Variants in TESC observed in about 807,000 individuals in gnomAD.
TESC encodes the protein tescalcin, also known as calcineurin B homologous protein 3.
In TESC, 19 loss-of-function variants were observed where a neutral mutation model predicts 31.0. The observed-to-expected ratio is 0.61, with a 90% CI of 0.43 to 0.90. The LOEUF is 0.90. Ranked by LOEUF, TESC falls within the 40% of genes least tolerant of loss-of-function variation. TESC has a pLI of 0.00. For missense variants in TESC, 248 were observed against 303.8 expected (o/e 0.82, Z 1.36); for synonymous variants, 109 against 114.8 (o/e 0.95, Z 0.32).
intron 1 of TESC, among the ~76,000 whole-genome samples, chr12:117,081,740 C>T (rs975736908): frequency 7.9e-5 from 12 of 151,804 alleles, no homozygotes; most frequent in African/African-American, 2.9e-4. Context: ...CCCATCTCTA[C>T]TAAAAATACA....
chr12:117,062,099 T>A (rs572985352), intron 2 of TESC, among the ~76,000 whole-genome samples: 29 of 152,240 alleles, frequency 1.9e-4, no homozygotes, highest in Non-Finnish European at 1.8e-4. Flanking sequence ...GTAGTAATAA[T>A]AATAATGTAA....
intron 1 of TESC, among the ~76,000 whole-genome samples, chr12:117,084,787 T>C (rs1408283575): frequency 1.3e-5 from 2 of 152,118 alleles, no homozygotes; most frequent in Admixed American, 6.5e-5. Context: ...CAGGACTCTG[T>C]GAGCCTGTAG....
chr12:117,088,542 G>A (rs904375945), intron 1 of TESC, among the ~76,000 whole-genome samples: 4 of 152,102 alleles, frequency 2.6e-5, no homozygotes, highest in South Asian at 2.1e-4. Context: ...TTAGCTGGGC[G>A]TGGCGGCGCA....
At chr12:117,045,356 A>T (rs929427872) in intron 6 of TESC, among the ~76,000 whole-genome samples, 2 of 152,234 alleles carry the variant, frequency 1.3e-5, no homozygotes, top group African/African-American at 4.8e-5. Context: ...ATTTCACTAC[A>T]GCAAATTAAG....
intron 2 of TESC, among the ~76,000 whole-genome samples, chr12:117,062,656 C>T (rs1182919045): frequency 6.6e-6 from 1 of 152,220 alleles, no homozygotes; most frequent in Non-Finnish European, 1.5e-5. Flanking sequence ...CTAAAACCTG[C>T]CAATGTCCCT....
At chr12:117,062,343 A>T (rs956378386) in intron 2 of TESC, among the ~76,000 whole-genome samples, 1 of 151,880 alleles carries the variant, frequency 6.6e-6, no homozygotes, top group African/African-American at 2.4e-5. Flanking sequence ...TACCTCAGCC[A>T]CCCGAGTAGC....
intron 1 of TESC, among the ~76,000 whole-genome samples, chr12:117,088,048 G>A (rs558351651): frequency 6.6e-6 from 1 of 152,244 alleles, no homozygotes; most frequent in African/African-American, 2.4e-5. Flanking sequence ...CTCCCTGAAG[G>A]TCACACAGCT....
chr12:117,060,127 G>A (rs1047660418), intron 2 of TESC, among the ~76,000 whole-genome samples: 1 of 152,124 alleles, frequency 6.6e-6, no homozygotes, highest in African/African-American at 2.4e-5. Context: ...CATTTTCAAT[G>A]GGCGAATTTT....
Position 117,099,403 on chromosome 12 carries a change from G to A in TESC, c.-121C>T. On this transcript the variant is annotated 5_prime_UTR_variant, in exon 1 of 8. Transcript: ENST00000335209. The stretch of plus-strand genomic sequence containing the variant: ...GGGTCGGGACGCCGGCGAAGGCTCG[G>A]AGCCGCGGGTTCCGCGTGGGGCCGG... 2.9e-6 allele frequency: 3 copies of A among 1,026,548 alleles called. No individual in the cohort carries two copies. The highest frequency in any genetic ancestry group is 3.8e-6 in the Non-Finnish European group (3 of 792,820). The allele number at this position is 1,026,548 out of a possible 1,614,324, so 63.6% of individuals were successfully genotyped here.
intron 2 of TESC, among the ~76,000 whole-genome samples, chr12:117,070,562 C>T (rs1041251080): frequency 7.2e-5 from 11 of 152,246 alleles, no homozygotes; most frequent in African/African-American, 2.6e-4. Flanking sequence ...AGACTGAGGT[C>T]CTTAGAGATC....
At chr12:117,094,867 T>G (rs1299737748) in intron 1 of TESC, among the ~76,000 whole-genome samples, 1 of 151,374 alleles carries the variant, frequency 6.6e-6, no homozygotes, top group East Asian at 2.0e-4. Flanking sequence ...AATACAAAAA[T>G]TAGCCGAGCA....
At chr12:117,075,568 A>G in intron 1 of TESC, among the ~76,000 whole-genome samples, 1 of 151,932 alleles carries the variant, frequency 6.6e-6, no homozygotes, top group Non-Finnish European at 1.5e-5. Flanking sequence ...CTTAGTAATA[A>G]TAATACAACT....
chr12:117,077,695 C>T (rs1378833056), intron 1 of TESC, among the ~76,000 whole-genome samples: 2 of 152,294 alleles, frequency 1.3e-5, no homozygotes, highest in African/African-American at 4.8e-5. Context: ...CAAAACTCAA[C>T]TACAATGTTA....
chr12:117,073,628 A>G (rs1165850532), intron 2 of TESC, among the ~76,000 whole-genome samples: 1 of 152,218 alleles, frequency 6.6e-6, no homozygotes, highest in Non-Finnish European at 1.5e-5. Flanking sequence ...GAGTATTAGA[A>G]GGTTTGTTTC....
intron 2 of TESC, among the ~76,000 whole-genome samples, chr12:117,065,799 T>C (rs1954870360): frequency 6.6e-6 from 1 of 152,080 alleles, no homozygotes; most frequent in South Asian, 2.1e-4. Context: ...GGAGGATCGC[T>C]TGAGCCTGGG....
intron 1 of TESC, among the ~76,000 whole-genome samples, chr12:117,077,483 C>T (rs989918250): frequency 5.9e-5 from 9 of 152,200 alleles, no homozygotes; most frequent in African/African-American, 1.7e-4. Context: ...GATGTCATGG[C>T]GGTGCCATTG....
chr12:117,091,338 CAG>C (rs1350201289), intron 1 of TESC, among the ~76,000 whole-genome samples: 1 of 152,214 alleles, frequency 6.6e-6, no homozygotes, highest in Non-Finnish European at 1.5e-5. Flanking sequence ...CTCGAGATAA[CAG>C]ATCCTAAAGT....
chr12:117,049,193 T>TGA (rs1565960311), intron 3 of TESC, 35 bp from the exon 4 acceptor site: 1 of 1,613,562 alleles, frequency 6.2e-7, no homozygotes, highest in South Asian at 1.1e-5. Flanking sequence ...TGGAAATAAA[T>TGA]GAAGAACTGG....
At chr12:117,057,011 G>GTCTCCTAACTCTGAACT in intron 2 of TESC, 125 bp from the exon 3 acceptor site, 1 of 872,866 alleles carries the variant, frequency 1.1e-6, no homozygotes, top group Non-Finnish European at 1.9e-6. Flanking sequence ...GAATAGTTCA[G>GTCTCCTAACTCTGAACT]AGTTAGGAGA....
Sources: gnomAD v4.1 joint callset for allele counts (sites outside exome capture counted in the v4.1 genomes callset) on GRCh38, gnomAD v4.1.1 for gene constraint, MANE v1.5 for transcripts, NCBI Gene and HGNC (gene_info 2026-07-23, HGNC 2026-07-21) for gene names.